The following NUMB variants were observed in gnomAD, a reference collection of about 807,000 sequenced individuals.
The protein encoded by NUMB is protein numb homolog.
NUMB carries 29 observed loss-of-function variants against 59.7 expected under a neutral mutation model. The ratio of observed to expected loss-of-function variants is 0.49; its 90% CI spans 0.36 to 0.66. The LOEUF is 0.66. Ranked by LOEUF, NUMB falls within the 30% of genes least tolerant of loss-of-function variation. The pLI is 0.00. For missense variants in NUMB, 723 were observed against 822.0 expected (o/e 0.88, Z 1.47); for synonymous variants, 288 against 288.2 (o/e 1.00, Z 0.01).
chr14:73,372,775 T>C (rs756142047), intron 2 of NUMB, among the ~76,000 whole-genome samples: 20 of 152,152 alleles, frequency 1.3e-4, no homozygotes, highest in Admixed American at 2.6e-4. Context: ...TCAATATTCA[T>C]TTCATTATAT....
At chr14:73,314,988 G>A (rs905416185) in intron 6 of NUMB, among the ~76,000 whole-genome samples, 1 of 152,028 alleles carries the variant, frequency 6.6e-6, no homozygotes, top group African/African-American at 2.4e-5. Context: ...CATATTCTAA[G>A]GACCTATTAA....
At chr14:73,432,370 G>A (rs973441933) in intron 1 of NUMB, among the ~76,000 whole-genome samples, 11 of 151,920 alleles carry the variant, frequency 7.2e-5, no homozygotes, top group Non-Finnish European at 1.5e-4. Context: ...TGTATATAGA[G>A]ATAAGATACA....
At chr14:73,377,457 A>G (rs143623991) in intron 2 of NUMB, among the ~76,000 whole-genome samples, 2 of 152,004 alleles carry the variant, frequency 1.3e-5, no homozygotes, top group East Asian at 1.9e-4. Context: ...CCTGGCCAAC[A>G]TGATGAAACC....
intron 2 of NUMB, among the ~76,000 whole-genome samples, chr14:73,383,860 A>G (rs1594971956): frequency 6.6e-6 from 1 of 151,924 alleles, no homozygotes; most frequent in Admixed American, 6.6e-5. Context: ...TACAAAAAAT[A>G]CAAAAATTAG....
At chr14:73,277,438 G>GTCTC (rs1232209644) in intron 12 of NUMB, 145 bp from the exon 13 acceptor site, 4 of 663,480 alleles carry the variant, frequency 6.0e-6, no homozygotes, top group Non-Finnish European at 1.0e-5. Context: ...TAGGAGTAAA[G>GTCTC]TCTCTATTAC....
chr14:73,303,721 T>A (rs1263317362), intron 6 of NUMB, among the ~76,000 whole-genome samples: 1 of 152,208 alleles, frequency 6.6e-6, no homozygotes, highest in Admixed American at 6.5e-5. Flanking sequence ...AATAATAATT[T>A]CAGTTATAGG....
chr14:73,441,030 G>C (rs1005029716), intron 1 of NUMB, among the ~76,000 whole-genome samples: 1 of 151,464 alleles, frequency 6.6e-6, no homozygotes, highest in Admixed American at 6.6e-5. Context: ...CTCACAAAAT[G>C]GGAGAAAATA....
At chr14:73,296,572 G>A (rs1889786288) in intron 7 of NUMB, among the ~76,000 whole-genome samples, 1 of 152,128 alleles carries the variant, frequency 6.6e-6, no homozygotes, top group South Asian at 2.1e-4. Context: ...TAACTAAAGT[G>A]GTTTCCTGAA....
At chr14:73,300,453 G>A (rs1289612458) in intron 6 of NUMB, among the ~76,000 whole-genome samples, 1 of 152,124 alleles carries the variant, frequency 6.6e-6, no homozygotes, top group African/African-American at 2.4e-5. Flanking sequence ...AAAGACGACA[G>A]GCAGAGTAAA....
At chr14:73,401,034 T>A (rs541201928) in intron 2 of NUMB, among the ~76,000 whole-genome samples, 1 of 152,334 alleles carries the variant, frequency 6.6e-6, no homozygotes, top group South Asian at 2.1e-4. Flanking sequence ...GGACACAACG[T>A]GGGGCTTGCA....
chr14:73,437,041 CTT>C (rs71112755), intron 1 of NUMB, among the ~76,000 whole-genome samples: 3,504 of 106,382 alleles, frequency 0.033, 58 homozygotes, highest in African/African-American at 0.12. Context: ...TTTTCTCTCT[CTT>C]TTTTTTTTTT....
chr14:73,308,421 C>T (rs570818881), intron 6 of NUMB, among the ~76,000 whole-genome samples: 1 of 152,012 alleles, frequency 6.6e-6, no homozygotes, highest in Non-Finnish European at 1.5e-5. Context: ...TAGCAGATAT[C>T]GAAGAGAAAA....
At chr14:73,446,045 C>G (rs574360834) in intron 1 of NUMB, among the ~76,000 whole-genome samples, 2 of 149,018 alleles carry the variant, frequency 1.3e-5, no homozygotes, top group African/African-American at 5.0e-5. Flanking sequence ...CGCCCAGGCT[C>G]GAGTCCAGTG....
intron 2 of NUMB, among the ~76,000 whole-genome samples, chr14:73,406,099 T>TTA (rs1566783238): frequency 2.1e-5 from 2 of 93,556 alleles, no homozygotes; most frequent in African/African-American, 3.2e-5. Flanking sequence ...TTTGTTTTTT[T>TTA]TTTTTTTTAT....
intron 6 of NUMB, among the ~76,000 whole-genome samples, chr14:73,302,062 G>A (rs1431780004): frequency 2.0e-5 from 3 of 151,942 alleles, no homozygotes; most frequent in Non-Finnish European, 2.9e-5. Context: ...CTGCCTGGGT[G>A]ACACAGCGAG....
chr14:73,415,747 G>T (rs1013282468), intron 1 of NUMB, among the ~76,000 whole-genome samples: 1 of 149,480 alleles, frequency 6.7e-6, no homozygotes, highest in African/African-American at 2.6e-5. Context: ...GATTACAGGT[G>T]TGAGCCACCA....
intron 2 of NUMB, among the ~76,000 whole-genome samples, chr14:73,370,223 T>C (rs993805672): frequency 1.3e-5 from 2 of 152,154 alleles, no homozygotes; most frequent in African/African-American, 4.8e-5. Context: ...GGTACAACTG[T>C]CTAGAACAAA....
chr14:73,387,037 C>T (rs542801866), intron 2 of NUMB, among the ~76,000 whole-genome samples: 4 of 151,050 alleles, frequency 2.6e-5, no homozygotes, highest in East Asian at 1.9e-4. Flanking sequence ...CCCGCCACTA[C>T]GCCCGGCTAA....
At chr14:73,402,508 A>G (rs1433836270) in intron 2 of NUMB, among the ~76,000 whole-genome samples, 2 of 152,194 alleles carry the variant, frequency 1.3e-5, no homozygotes, top group Non-Finnish European at 2.9e-5. Context: ...TATGTAGTGT[A>G]ACTAGGAATC....
Sources: gnomAD v4.1 joint callset for allele counts (sites outside exome capture counted in the v4.1 genomes callset) on GRCh38, gnomAD v4.1.1 for gene constraint, MANE v1.5 for transcripts, NCBI Gene and HGNC (gene_info 2026-07-23, HGNC 2026-07-21) for gene names.